Variants in TSPAN10 observed in about 807,000 individuals in gnomAD.
The protein encoded by TSPAN10 is tetraspanin 10.
TSPAN10 carries 11 observed loss-of-function variants against 15.0 expected under a neutral mutation model. That is an observed-to-expected ratio of 0.73 (90% confidence interval 0.46 to 1.21). The LOEUF is 1.21. Ranked by LOEUF, TSPAN10 falls within the 50% of genes most tolerant of loss-of-function variation. The probability of loss-of-function intolerance (pLI) is 0.00; values close to 1 mark genes in which losing one functional copy is unlikely to be tolerated. For missense variants in TSPAN10, 486 were observed against 470.6 expected (o/e 1.03, Z -0.30); for synonymous variants, 241 against 226.2 (o/e 1.07, Z -0.59).
At chr17:81,646,907 C>T (rs1221018243) in intron 2 of TSPAN10, among the ~76,000 whole-genome samples, 2 of 151,654 alleles carry the variant, frequency 1.3e-5, no homozygotes, top group African/African-American at 2.4e-5. Flanking sequence ...TGCAGTGGCT[C>T]GATCTCGGCT....
intron 2 of TSPAN10, chr17:81,647,325 C>T (rs1390409847): frequency 1.6e-5 from 7 of 432,844 alleles, no homozygotes; most frequent in Admixed American, 7.4e-5. Context: ...CTGCTGGGCC[C>T]GTGTGCAGAG....
At chr17:81,644,887 T>C in intron 1 of TSPAN10, 105 bp from the exon 3 acceptor site, 24 of 1,490,166 alleles carry the variant, frequency 1.6e-5, no homozygotes, top group Non-Finnish European at 2.2e-5. Flanking sequence ...TCCGGCATCC[T>C]CCCATCCCTC....
chr17:81,645,954 GTGCTTGC>G, intron 2 of TSPAN10: 2 of 466,208 alleles, frequency 4.3e-6, no homozygotes, highest in Non-Finnish European at 7.7e-6. Flanking sequence ...AGGTATAGGG[GTGCTTGC>G]CTCTCCTTGT....
rs771262491 is a variant in TSPAN10 at position 81,645,290 on chromosome 17, TG to T, written c.342del (p.Leu116CysfsTer19). 3.3e-5 allele frequency: 51 copies of T among 1,536,092 alleles called. 1 individual carries two copies. In the Admixed American group the frequency reaches 7.8e-4, roughly 24 times the overall value. ...GTCAAGGGGTCTCTGGGAAGTGATC[TG>T]GGGGGGCCCCTGCCCGCAGACCCCA... On this transcript the variant is annotated frameshift_variant, in exon 2 of 3. Transcript: ENST00000611590. LOFTEE classifies it high-confidence loss of function.
chr17:81,648,415 C>T (rs531506966), downstream of TSPAN10: 133 of 955,758 alleles, frequency 1.4e-4, 1 homozygote, highest in African/African-American at 2.0e-3. Flanking sequence ...CGGGTGACTT[C>T]GCCGCAGGAC....
upstream of TSPAN10, among the ~76,000 whole-genome samples, chr17:81,639,564 G>A (rs2036158139): frequency 6.6e-6 from 1 of 151,934 alleles, no homozygotes; most frequent in Non-Finnish European, 1.5e-5. Flanking sequence ...GTCAGTAGAC[G>A]TGGTTTCTCC....
exon 2 of TSPAN10, chr17:81,645,198 C>T (rs370460942): frequency 1.2e-5 from 18 of 1,545,822 alleles, no homozygotes; most frequent in Non-Finnish European, 1.6e-5. Context: ...ATCTGATCTT[C>T]CTCTCCAACT....
chr17:81,643,386 C>T (rs2036200231), intron 1 of TSPAN10, among the ~76,000 whole-genome samples: 1 of 39,810 alleles, frequency 2.5e-5, no homozygotes, highest in Non-Finnish European at 4.0e-5. Context: ...CCGAGGCGGG[C>T]GGATCACGAG....
chr17:81,639,678 A>ATGCCTGTCATCCCAGCG (rs2036160457), upstream of TSPAN10, among the ~76,000 whole-genome samples: 1 of 149,738 alleles, frequency 6.7e-6, no homozygotes, highest in African/African-American at 2.5e-5. Flanking sequence ...TCATCCCAGC[A>ATGCCTGTCATCCCAGCG]CGGTGGCTCA....
At chr17:81,639,200 C>CTTTTTTTT (rs757994889), upstream of TSPAN10, 18 of 115,280 alleles carry the variant, frequency 1.6e-4, 1 homozygote, top group South Asian at 6.2e-4. Context: ...TTTGGAATTA[C>CTTTTTTTT]TTTTCTTTTT....
upstream of TSPAN10, among the ~76,000 whole-genome samples, chr17:81,641,638 G>A (rs1275182661): frequency 2.0e-5 from 3 of 151,770 alleles, no homozygotes; most frequent in South Asian, 4.2e-4. Flanking sequence ...GGCTGAGTCC[G>A]GGCACAGTGG....
chr17:81,647,847 T>G, intron 2 of TSPAN10, 54 bp from the exon 4 acceptor site: 1 of 1,555,544 alleles, frequency 6.4e-7, no homozygotes. Context: ...CTGTGCCTGG[T>G]CCCAGAAGAG....
intron 1 of TSPAN10, among the ~76,000 whole-genome samples, chr17:81,644,179 A>G (rs1334620252): frequency 6.6e-6 from 1 of 151,996 alleles, no homozygotes; most frequent in East Asian, 1.9e-4. Context: ...CCTTTTTAAA[A>G]AAACTCTTCC....
At chr17:81,647,851 A>C (rs751920328) in intron 2 of TSPAN10, 50 bp from the exon 4 acceptor site, 5 of 1,562,416 alleles carry the variant, frequency 3.2e-6, no homozygotes, top group Non-Finnish European at 4.3e-6. Flanking sequence ...GCCTGGTCCC[A>C]GAAGAGCGGG....
downstream of TSPAN10, chr17:81,648,328 A>T (rs577973800): frequency 8.3e-7 from 1 of 1,199,730 alleles, no homozygotes; most frequent in Admixed American, 4.4e-5. Context: ...CGCCACGCAC[A>T]GGGATACAGG....
upstream of TSPAN10, among the ~76,000 whole-genome samples, chr17:81,641,744 T>C (rs1273204463): frequency 8.7e-6 from 1 of 115,008 alleles, no homozygotes; most frequent in East Asian, 1.1e-3. Flanking sequence ...AGCAGAACCC[T>C]GTCTCTACAA....
chr17:81,642,521 G>C, intron 1 of TSPAN10, 73 bp downstream of exon 2: 2 of 1,512,374 alleles, frequency 1.3e-6, no homozygotes, highest in Non-Finnish European at 1.8e-6. Context: ...GGAAGTCCCT[G>C]GGCTGGGTTC....
chr17:81,648,174 C>T, exon 3 of TSPAN10: 1 of 1,437,600 alleles, frequency 7.0e-7, no homozygotes, highest in Non-Finnish European at 9.0e-7. Context: ...CCCGGCTACT[C>T]GGGGCCCTCG....
upstream of TSPAN10, among the ~76,000 whole-genome samples, chr17:81,641,786 C>T (rs2036180250): frequency 6.6e-6 from 1 of 151,932 alleles, no homozygotes; most frequent in Non-Finnish European, 1.5e-5. Flanking sequence ...GGCAAGGTGG[C>T]GTACATCTGT....
Sources: gnomAD v4.1 joint callset for allele counts (sites outside exome capture counted in the v4.1 genomes callset) on GRCh38, gnomAD v4.1.1 for gene constraint, MANE v1.5 for transcripts, NCBI Gene and HGNC (gene_info 2026-07-23, HGNC 2026-07-21) for gene names.